The following PLCB1 variants were observed in gnomAD, a reference collection of about 807,000 sequenced individuals.
PLCB1 encodes the protein phospholipase C beta 1, also known as 1-phosphatidylinositol 4,5-bisphosphate phosphodiesterase beta-1.
In PLCB1, 46 loss-of-function variants were observed where a neutral mutation model predicts 161.8. That is an observed-to-expected ratio of 0.28 (90% CI 0.22 to 0.36). PLCB1 has a LOEUF of 0.36. Among genes scored for constraint, PLCB1 ranks in the 10% least tolerant of loss-of-function variants. PLCB1 has a pLI of 1.00. For synonymous variants in PLCB1, 517 were observed against 503.7 expected, an observed-to-expected ratio of 1.03 and a Z score of -0.35; for missense variants, 1,016 against 1,472.5, an observed-to-expected ratio of 0.69 and a Z score of 5.07.
At chr20:8,410,140 C>T (rs1252253826) in intron 3 of PLCB1, among the ~76,000 whole-genome samples, 1 of 151,980 alleles carries the variant, frequency 6.6e-6, no homozygotes, top group Non-Finnish European at 1.5e-5. Flanking sequence ...TGTCCATTTT[C>T]TTTGCTGTGT....
intron 31 of PLCB1, among the ~76,000 whole-genome samples, chr20:8,859,291 TCA>T (rs1987175372): frequency 6.6e-6 from 1 of 152,218 alleles, no homozygotes; most frequent in African/African-American, 2.4e-5. Flanking sequence ...TCCAAATAGT[TCA>T]GTCTAAACAC....
chr20:8,463,953 C>A (rs1261143189), intron 3 of PLCB1, among the ~76,000 whole-genome samples: 2 of 152,086 alleles, frequency 1.3e-5, no homozygotes, highest in African/African-American at 4.8e-5. Flanking sequence ...TATTTTCCTT[C>A]TGACTGTAGT....
intron 3 of PLCB1, among the ~76,000 whole-genome samples, chr20:8,537,108 T>G (rs2122938284): frequency 6.6e-6 from 1 of 152,282 alleles, no homozygotes; most frequent in South Asian, 2.1e-4. Context: ...AGAAAGAATT[T>G]GACTGAGGGG....
intron 9 of PLCB1, among the ~76,000 whole-genome samples, chr20:8,672,881 G>A (rs1490773295): frequency 6.6e-6 from 1 of 152,012 alleles, no homozygotes; most frequent in Non-Finnish European, 1.5e-5. Flanking sequence ...GGAGGTTGAG[G>A]TGGGTGGATA....
chr20:8,812,305 G>A (rs959785106), intron 31 of PLCB1, among the ~76,000 whole-genome samples: 2 of 152,124 alleles, frequency 1.3e-5, no homozygotes, highest in African/African-American at 2.4e-5. Flanking sequence ...GCGAAAATCC[G>A]GAAGATTCTG....
At chr20:8,249,959 G>A (rs73084339) in intron 2 of PLCB1, among the ~76,000 whole-genome samples, 29,768 of 151,876 alleles carry the variant, frequency 0.2, 3,561 homozygotes, top group East Asian at 0.27. Flanking sequence ...AGAAGCCTGA[G>A]GAACTGAGGC....
chr20:8,143,907 T>G (rs958233704), intron 1 of PLCB1, among the ~76,000 whole-genome samples: 34 of 152,184 alleles, frequency 2.2e-4, no homozygotes, highest in African/African-American at 8.0e-4. Flanking sequence ...TTTTTTGTTG[T>G]GGAGTCTGGC....
At position 8,151,692 on chromosome 20, in the gene PLCB1, C is replaced by A. The variant is rs564617975; in HGVS notation, c.177+1321C>A. ...TGTTTTTTGGGTGTTTTTTTCTTCT[C>A]CTAAAGGATATTTTTAGAACTGTTG... is the stretch of plus-strand genomic sequence containing the variant. On this transcript the variant is annotated intron_variant, in intron 2 of 31. Coordinates refer to ENST00000338037, the MANE Select transcript of PLCB1 (RefSeq NM_015192.4). 1.6e-3 allele frequency among the ~76,000 whole-genome samples: 239 copies of A among 151,944 alleles called. 4 individuals carry two copies. The South Asian group carries it at 0.02, about 13-fold the overall frequency.
At chr20:8,551,001 A>G (rs1455770292) in intron 3 of PLCB1, among the ~76,000 whole-genome samples, 3 of 152,230 alleles carry the variant, frequency 2.0e-5, no homozygotes, top group South Asian at 4.1e-4. Context: ...ATTGTATCCA[A>G]TAATGTCTGG....
chr20:8,138,191 GAATGAGGATA>G (rs2051368078), intron 1 of PLCB1, among the ~76,000 whole-genome samples: 1 of 152,342 alleles, frequency 6.6e-6, no homozygotes, highest in South Asian at 2.1e-4. Context: ...CACCTATGGT[GAATGAGGATA>G]ATTTGCAGTG....
intron 2 of PLCB1, among the ~76,000 whole-genome samples, chr20:8,314,936 C>G (rs1416815263): frequency 3.9e-5 from 6 of 152,160 alleles, no homozygotes; most frequent in African/African-American, 1.4e-4. Context: ...AGCCACTAAT[C>G]AAGATTGGTT....
intron 2 of PLCB1, among the ~76,000 whole-genome samples, chr20:8,296,253 G>A (rs1273809021): frequency 1.3e-5 from 2 of 152,160 alleles, no homozygotes; most frequent in East Asian, 1.9e-4. Context: ...TTTGTACAAC[G>A]TTGTGTCTTA....
At chr20:8,185,906 C>A (rs2051898950) in intron 2 of PLCB1, among the ~76,000 whole-genome samples, 1 of 152,130 alleles carries the variant, frequency 6.6e-6, no homozygotes, top group Non-Finnish European at 1.5e-5. Flanking sequence ...TAAATTGCTG[C>A]ATGAATGAGG....
chr20:8,146,803 T>C (rs1273432560), intron 1 of PLCB1, among the ~76,000 whole-genome samples: 1 of 152,202 alleles, frequency 6.6e-6, no homozygotes, highest in Non-Finnish European at 1.5e-5. Flanking sequence ...TTAATTACTA[T>C]ATTAATCTTC....
chr20:8,544,726 C>A (rs561643693), intron 3 of PLCB1, among the ~76,000 whole-genome samples: 1 of 152,150 alleles, frequency 6.6e-6, no homozygotes, highest in Admixed American at 6.5e-5. Flanking sequence ...TGCAAGTTTT[C>A]CTGATGTGCA....
chr20:8,870,156 T>C (rs1987563157), intron 31 of PLCB1, among the ~76,000 whole-genome samples: 1 of 152,140 alleles, frequency 6.6e-6, no homozygotes, highest in Non-Finnish European at 1.5e-5. Context: ...GGAGGAGCCA[T>C]TAATCCAGTC....
intron 2 of PLCB1, among the ~76,000 whole-genome samples, chr20:8,287,672 A>G (rs1412261300): frequency 2.6e-5 from 4 of 152,082 alleles, no homozygotes; most frequent in African/African-American, 9.7e-5. Context: ...ATCAGCATGG[A>G]CCCTCTTGGC....
chr20:8,484,715 C>T (rs922514367), intron 3 of PLCB1, among the ~76,000 whole-genome samples: 55 of 152,190 alleles, frequency 3.6e-4, no homozygotes, highest in Non-Finnish European at 7.1e-4. Flanking sequence ...CCTTGACCAC[C>T]TTGTCTGAAC....
intron 3 of PLCB1, among the ~76,000 whole-genome samples, chr20:8,457,150 A>G (rs1026657789): frequency 1.3e-5 from 2 of 152,156 alleles, no homozygotes; most frequent in Admixed American, 6.5e-5. Context: ...GAGGCCACCT[A>G]TTTTTTGTAA....
Sources: gnomAD v4.1 joint callset for allele counts (sites outside exome capture counted in the v4.1 genomes callset) on GRCh38, gnomAD v4.1.1 for gene constraint, MANE v1.5 for transcripts, NCBI Gene and HGNC (gene_info 2026-07-23, HGNC 2026-07-21) for gene names.